Variants in SNAPC1 observed in about 807,000 individuals in gnomAD.
SNAPC1 encodes small nuclear RNA activating complex polypeptide 1.
A neutral mutation model predicts 50.1 loss-of-function variants in SNAPC1; 42 were observed. The observed-to-expected ratio is 0.84, with a 90% CI of 0.65 to 1.08. The LOEUF is 1.08. Among genes scored for constraint, SNAPC1 ranks in the 50% least tolerant of loss-of-function variants. SNAPC1 has a pLI of 0.00. For synonymous variants in SNAPC1, 164 were observed against 144.2 expected, an observed-to-expected ratio of 1.14 and a Z score of -0.98; for missense variants, 477 against 427.3, an observed-to-expected ratio of 1.12 and a Z score of -1.02.
At chr14:61,764,996 A>G (rs2044936326) in intron 1 of SNAPC1, among the ~76,000 whole-genome samples, 4 of 152,162 alleles carry the variant, frequency 2.6e-5, no homozygotes, top group Non-Finnish European at 4.4e-5. Flanking sequence ...CTACATATTT[A>G]TATTTGTATA....
chr14:61,788,913 T>C (rs57029566), intron 8 of SNAPC1, among the ~76,000 whole-genome samples: 1 of 152,156 alleles, frequency 6.6e-6, no homozygotes, highest in African/African-American at 2.4e-5. Context: ...TGTCAGTCCA[T>C]ACAAAGGAAT....
At chr14:61,785,163 G>T (rs571637286) in intron 8 of SNAPC1, among the ~76,000 whole-genome samples, 1 of 152,244 alleles carries the variant, frequency 6.6e-6, no homozygotes, top group East Asian at 1.9e-4. Context: ...AGCACTTTGG[G>T]AGGCTGAGGC....
chr14:61,776,571 G>A (rs2045036813), intron 5 of SNAPC1, among the ~76,000 whole-genome samples: 1 of 152,040 alleles, frequency 6.6e-6, no homozygotes, highest in South Asian at 2.1e-4. Flanking sequence ...GCTAAATCCT[G>A]CACACAGATG....
chr14:61,780,215 A>G (rs1284853357), intron 7 of SNAPC1, among the ~76,000 whole-genome samples: 1 of 152,156 alleles, frequency 6.6e-6, no homozygotes, highest in African/African-American at 2.4e-5. Flanking sequence ...GCCTACAGAG[A>G]GAATCAGCCA....
rs767164605 is a variant in SNAPC1, at chr14:61,779,377, T to C, written c.825+467T>C. 2.3e-4 allele frequency among the ~76,000 whole-genome samples: 35 copies of C among 152,242 alleles called. 1 individual carries two copies. The highest frequency in any genetic ancestry group is 6.2e-4 in the South Asian group (3 of 4,828). On this transcript the variant is annotated intron_variant, in intron 7 of 9. Coordinates refer to ENST00000216294, the MANE Select transcript of SNAPC1 (RefSeq NM_003082.4). Reference sequence around the variant, plus strand: ...TTGTTTCTTTGATACAAATATTCTTTCCTGCATCTTTTCTCTTCTTCAGCT... The same window carrying C: ...TTGTTTCTTTGATACAAATATTCTTCCCTGCATCTTTTCTCTTCTTCAGCT...
At chr14:61,790,423 C>T (rs1003183320) in intron 8 of SNAPC1, among the ~76,000 whole-genome samples, 4 of 152,140 alleles carry the variant, frequency 2.6e-5, no homozygotes, top group Admixed American at 6.5e-5. Flanking sequence ...GCAACCTCCA[C>T]CTCCTGGGTT....
chr14:61,769,401 T>G (rs1443107833), intron 4 of SNAPC1, among the ~76,000 whole-genome samples: 2 of 141,456 alleles, frequency 1.4e-5, no homozygotes, highest in Admixed American at 1.4e-4. Flanking sequence ...AGGTTTTTTT[T>G]TTTTTTTTTT....
At chr14:61,785,072 A>G (rs141041599) in intron 8 of SNAPC1, among the ~76,000 whole-genome samples, 220 of 152,330 alleles carry the variant, frequency 1.4e-3, no homozygotes, top group African/African-American at 5.1e-3. Flanking sequence ...CCAGTAAGTT[A>G]GGTAGCTTAA....
In SNAPC1 at chr14:61,782,290, C is replaced by A; in HGVS notation, c.869C>A (p.Ser290Tyr). The part of the protein sequence containing the change: ...RRHRQVKLDS[S>Y]DSDSASGQGQ... ...CATCGTCAAGTCAAACTCGACTCTT[C>A]TGACTCTGATTCTGCATCTGGTCAA... The change falls in exon 8 of 10, where the codon TCT becomes TAT. Residue 290 changes from serine (S) to tyrosine (Y), a missense_variant. Physicochemically the swap from Ser to Tyr is moderately radical, Grantham distance 144. Transcript: ENST00000216294. 5 of 1,611,812 alleles carry A rather than the reference C, an allele frequency of 3.1e-6. No individual in the cohort carries two copies. Among genetic ancestry groups the A allele is most frequent in the Non-Finnish European group, 4.2e-6 (5 of 1,179,140 alleles).
intron 7 of SNAPC1, among the ~76,000 whole-genome samples, chr14:61,781,122 T>G (rs10137507): frequency 0.15 from 22,492 of 152,082 alleles, 2,012 homozygotes; most frequent in South Asian, 0.32. Context: ...TAATCCTCCA[T>G]GGATACTGAG....
chr14:61,767,221 G>T lies in SNAPC1; in HGVS notation c.298G>T (p.Ala100Ser), dbSNP rs746609227. 1 of 1,489,600 alleles carries T rather than the reference G, an allele frequency of 6.7e-7. No individual in the cohort carries two copies. The highest frequency in any genetic ancestry group is 1.5e-5 in the South Asian group (1 of 68,462). 92.3% of individuals were successfully genotyped at this position (1,489,600 alleles called of 1,614,324 possible). Residue 100 changes from alanine to serine, a missense_variant, in exon 3 of 10, where the codon GCC (alanine) becomes TCC (serine). Ala to Ser is a moderately conservative substitution (Grantham distance 99). Coordinates refer to ENST00000216294, the MANE Select transcript of SNAPC1 (RefSeq NM_003082.4). ...TTCTTCCTGGTTGCAGATCAGAGTT[G>T]CCCTGAAGGATTGGGATGAAGTTTT... is the stretch of plus-strand genomic sequence containing the variant. The part of the protein sequence containing the change: ...LCQPKQKIRV[A>S]LKDWDEVLKF...
chr14:61,766,814 T>C (rs2044951377), intron 1 of SNAPC1, 62 bp from the exon 2 acceptor site: 2 of 945,578 alleles, frequency 2.1e-6, no homozygotes, highest in African/African-American at 3.3e-5. Flanking sequence ...TATATACTTT[T>C]GGCTTTTGTT....
At chr14:61,793,148 T>G (rs1483749996) in intron 9 of SNAPC1, among the ~76,000 whole-genome samples, 2 of 152,244 alleles carry the variant, frequency 1.3e-5, no homozygotes, top group Non-Finnish European at 2.9e-5. Context: ...TGTAGAGATG[T>G]CTCTGTCAGA....
At chr14:61,772,337 C>T (rs76289509) in intron 4 of SNAPC1, among the ~76,000 whole-genome samples, 18,365 of 152,050 alleles carry the variant, frequency 0.12, 1,375 homozygotes, top group Non-Finnish European at 0.16. Context: ...AACTGCCACC[C>T]GGGTTCAAGC....
Position 61,767,018 on chromosome 14 carries a change from T to C in SNAPC1, c.271T>C (p.Cys91Arg). The C allele has an allele frequency of 6.3e-7, 1 of 1,574,848 alleles. No homozygotes were observed. The highest frequency in any genetic ancestry group is 8.6e-7 in the Non-Finnish European group (1 of 1,159,152). ...LLYGLYNTQL[C>R]QPKQKIRVAL... Reference sequence around the variant, plus strand: ...ATATGGATTATATAATACCCAACTGTGTCAACCAAAACAAAAGGTAATACT... The same window carrying C: ...ATATGGATTATATAATACCCAACTGCGTCAACCAAAACAAAAGGTAATACT... Residue 91 changes from cysteine (C) to arginine (R), a missense_variant, in exon 2 of 10, where the codon TGT becomes CGT. Transcript: ENST00000216294.
intron 1 of SNAPC1, among the ~76,000 whole-genome samples, chr14:61,764,938 G>T (rs944339208): frequency 2.0e-5 from 3 of 149,604 alleles, no homozygotes; most frequent in African/African-American, 7.5e-5. Flanking sequence ...GTTTATGGCT[G>T]CAGGGCAAAT....
chr14:61,779,351 A>G (rs1190968390), intron 7 of SNAPC1, among the ~76,000 whole-genome samples: 1 of 152,002 alleles, frequency 6.6e-6, no homozygotes, highest in East Asian at 1.9e-4. Flanking sequence ...AAGTTTCTGT[A>G]TTGTTTCTTT....
chr14:61,764,711 G>GTT (rs1394802649), intron 1 of SNAPC1, among the ~76,000 whole-genome samples: 1 of 152,182 alleles, frequency 6.6e-6, no homozygotes, highest in African/African-American at 2.4e-5. Flanking sequence ...AGCTAAAAAT[G>GTT]TAACATTTAC....
At chr14:61,791,377 T>C (rs1424244594) in intron 8 of SNAPC1, among the ~76,000 whole-genome samples, 1 of 152,238 alleles carries the variant, frequency 6.6e-6, no homozygotes, top group Non-Finnish European at 1.5e-5. Flanking sequence ...TTCTCTTTTA[T>C]ATGTTTCCTT....
Sources: gnomAD v4.1 joint callset for allele counts (sites outside exome capture counted in the v4.1 genomes callset) on GRCh38, gnomAD v4.1.1 for gene constraint, MANE v1.5 for transcripts, NCBI Gene and HGNC (gene_info 2026-07-23, HGNC 2026-07-21) for gene names.